PDE6G: variants seen among roughly 807,000 people sequenced by gnomAD.
The protein encoded by PDE6G is rod cGMP 3',5'-cyclic phosphodiesterase subunit gamma.
A neutral mutation model predicts 10.9 loss-of-function variants in PDE6G; 10 were observed. That is an observed-to-expected ratio of 0.91 (90% confidence interval 0.56 to 1.55). PDE6G has a LOEUF of 1.55. Ranked by LOEUF, PDE6G falls within the 40% of genes most tolerant of loss-of-function variation. The pLI, the probability that PDE6G is intolerant of heterozygous loss-of-function variation, is 0.00. For missense variants in PDE6G, 102 were observed against 110.1 expected (o/e 0.93, Z 0.33); for synonymous variants, 41 against 42.8 (o/e 0.96, Z 0.16).
upstream of PDE6G, among the ~76,000 whole-genome samples, chr17:81,661,453 A>G (rs1291945375): frequency 6.6e-6 from 1 of 152,234 alleles, no homozygotes; most frequent in Non-Finnish European, 1.5e-5. Flanking sequence ...ACAGTGGCTC[A>G]TGCCTGTAAT....
At chr17:81,656,768 C>T, upstream of PDE6G, 4 of 627,538 alleles carry the variant, frequency 6.4e-6, no homozygotes, top group South Asian at 7.2e-5. Flanking sequence ...CAGGCTCCTG[C>T]AGCTGCCCAT....
intron 1 of PDE6G, among the ~76,000 whole-genome samples, chr17:81,654,753 T>G (rs1445013720): frequency 1.0e-5 from 1 of 99,040 alleles, no homozygotes; most frequent in Non-Finnish European, 2.1e-5. Flanking sequence ...GAATCTCACC[T>G]TTTTTTTTTT....
Position 81,653,093 on chromosome 17 carries a change from C to A in PDE6G, c.146+67G>T. 1.3e-6 allele frequency: 2 copies of A among 1,563,220 alleles called. No individual in the cohort carries two copies. The highest frequency in any genetic ancestry group is 1.7e-4 in the Middle Eastern group (1 of 5,972). ...GTGGCCCCAGGCTCTGCCCCGCCCT[C>A]CCCTTCCTGTGCAGCCTCAGGACCG... is the stretch of plus-strand genomic sequence containing the variant. On this transcript the variant is annotated intron_variant, in intron 2 of 3. Coordinates refer to ENST00000331056, the MANE Select transcript of PDE6G (RefSeq NM_002602.4). The surrounding 1 kb of genome is among the most constrained non-coding windows in gnomAD (Gnocchi z 5.2).
upstream of PDE6G, chr17:81,656,935 C>T (rs1445052672): frequency 2.7e-6 from 1 of 374,450 alleles, no homozygotes; most frequent in East Asian, 5.6e-5. Context: ...TCACCCCTCC[C>T]ACCCCAGGGC....
upstream of PDE6G, among the ~76,000 whole-genome samples, chr17:81,660,814 T>C (rs1291187860): frequency 1.3e-5 from 2 of 152,230 alleles, no homozygotes; most frequent in Non-Finnish European, 2.9e-5. Flanking sequence ...TTTTTTGCCA[T>C]GGCTTTTCTT....
chr17:81,661,810 G>T (rs577376922), intron 1 of PDE6G, among the ~76,000 whole-genome samples: 1 of 142,668 alleles, frequency 7.0e-6, no homozygotes, highest in Non-Finnish European at 1.5e-5. Context: ...CAGTGAGCCC[G>T]AGATTGCGCC....
In PDE6G at chr17:81,651,772, G is replaced by A. The variant is rs2144397665; in HGVS notation, c.147-87C>T. The A allele has an allele frequency of 3.5e-6, 5 of 1,409,404 alleles. No homozygotes were observed. The South Asian group carries it at 3.6e-5, about 10-fold the overall frequency. 87.3% of individuals were successfully genotyped at this position (1,409,404 alleles called of 1,614,324 possible). A position where few individuals can be genotyped will look rare whatever the true frequency, so the allele number is the denominator to read the frequency against. On this transcript the variant is annotated intron_variant, in intron 2 of 3. Transcript: ENST00000331056. The surrounding 1 kb of genome is among the most constrained non-coding windows in gnomAD (Gnocchi z 4.8). ...CCCGAGGTCATCTCTAGCCTTCCTA[G>A]GAGATGAGGTGTTTGGCTGGGAGCC...
intron 1 of PDE6G, among the ~76,000 whole-genome samples, chr17:81,655,467 G>A (rs536236781): frequency 1.3e-5 from 2 of 152,332 alleles, no homozygotes; most frequent in Admixed American, 6.5e-5. Flanking sequence ...GAAGGGCCTC[G>A]GCCGCTCTGG....
At chr17:81,661,731 G>A (rs1023111919) in intron 1 of PDE6G, among the ~76,000 whole-genome samples, 1 of 151,766 alleles carries the variant, frequency 6.6e-6, no homozygotes, top group African/African-American at 2.4e-5. Flanking sequence ...GTGGTGGTGG[G>A]TGCCTGTAAT....
intron 1 of PDE6G, among the ~76,000 whole-genome samples, chr17:81,654,381 T>TA (rs1215428451): frequency 7.0e-6 from 1 of 143,518 alleles, no homozygotes; most frequent in African/African-American, 2.7e-5. Context: ...CTCTGATTCT[T>TA]TTTTTTTTTT....
chr17:81,652,299 C>T (rs916469986), intron 2 of PDE6G, among the ~76,000 whole-genome samples: 6 of 152,076 alleles, frequency 3.9e-5, no homozygotes, highest in South Asian at 2.1e-4. Flanking sequence ...TTATTTGAGA[C>T]GGAGTCTCAC....
At chr17:81,662,369 T>C (rs914536854) in intron 1 of PDE6G, among the ~76,000 whole-genome samples, 2 of 152,164 alleles carry the variant, frequency 1.3e-5, no homozygotes, top group African/African-American at 4.8e-5. Flanking sequence ...ACACCTGTAA[T>C]CCTAGCACTT....
chr17:81,654,269 C>T (rs146265630), intron 1 of PDE6G, among the ~76,000 whole-genome samples: 226 of 152,266 alleles, frequency 1.5e-3, no homozygotes, highest in Middle Eastern at 6.8e-3. Context: ...CCTGAACCCC[C>T]GCCCTGCAGC....
intron 1 of PDE6G, among the ~76,000 whole-genome samples, chr17:81,655,299 G>A (rs2036428997): frequency 6.6e-6 from 1 of 152,222 alleles, no homozygotes; most frequent in South Asian, 2.1e-4. Context: ...GTGAAGCCCT[G>A]CGTTCCCCAA....
chr17:81,656,903 C>T (rs1404890538), upstream of PDE6G: 2 of 444,004 alleles, frequency 4.5e-6, no homozygotes, highest in East Asian at 4.3e-5. Flanking sequence ...CTGGCCCTCA[C>T]CCGCTGCTGT....
chr17:81,661,788 C>T (rs12945412), intron 1 of PDE6G, among the ~76,000 whole-genome samples: 13,113 of 143,192 alleles, frequency 0.092, 811 homozygotes, highest in East Asian at 0.24. Flanking sequence ...TGAACCTGGG[C>T]GGCAGAGGTT....
Position 81,650,978 on chromosome 17 carries a change from T to G in PDE6G, c.*96A>C, listed in dbSNP as rs1568184352. ...CCCATCCTGGTGTCCAGGTGCCATC[T>G]GGGCTAGGGAGGCATCTCCTCAACA... On this transcript the variant is annotated 3_prime_UTR_variant, in exon 4 of 4. Coordinates refer to ENST00000331056, the MANE Select transcript of PDE6G (RefSeq NM_002602.4). 1.1e-6 allele frequency: 1 copy of G among 908,784 alleles called. No homozygotes were observed. Among genetic ancestry groups the G allele is most frequent in the South Asian group, 1.3e-5 (1 of 75,090 alleles). 56.3% of individuals were successfully genotyped at this position (908,784 alleles called of 1,614,324 possible).
upstream of PDE6G, among the ~76,000 whole-genome samples, chr17:81,661,243 G>A (rs1255635978): frequency 2.6e-5 from 4 of 152,236 alleles, no homozygotes; most frequent in South Asian, 2.1e-4. Flanking sequence ...ACAATGAACC[G>A]GGCATGGTGG....
In PDE6G at chr17:81,653,879, C is replaced by T. The variant is rs1397437050; in HGVS notation, c.-59-515G>A. On this transcript the variant is annotated intron_variant, in intron 1 of 3. Transcript: ENST00000331056. The surrounding 1 kb of genome is among the most constrained non-coding windows in gnomAD (Gnocchi z 5.2). ...GGGCTGGAGTGCAGTGGCACTATCT[C>T]GGCTCACTGCAACCTCCGCCTCCCG... Among the ~76,000 whole-genome samples, 2 of 152,066 alleles carry T rather than the reference C, an allele frequency of 1.3e-5. No homozygotes were observed. The highest frequency in any genetic ancestry group is 1.9e-4 in the East Asian group (1 of 5,176).
Sources: gnomAD v4.1 joint callset for allele counts (sites outside exome capture counted in the v4.1 genomes callset) on GRCh38, gnomAD v4.1.1 for gene constraint, Gnocchi (gnomAD v3.1) non-coding constraint, MANE v1.5 for transcripts, NCBI Gene and HGNC (gene_info 2026-07-23, HGNC 2026-07-21) for gene names.